Variants in CDYL observed in about 807,000 individuals in gnomAD.
The protein encoded by CDYL is chromodomain Y like, also known as chromodomain Y-like protein.
Under a neutral mutation model 47.3 loss-of-function variants are expected in CDYL, and 8 were observed. The observed-to-expected ratio is 0.17, with a 90% CI of 0.10 to 0.31. The LOEUF (loss-of-function observed/expected upper bound fraction) is 0.31. Ranked by LOEUF, CDYL falls within the 10% of genes least tolerant of loss-of-function variation. The pLI is 1.00. For synonymous variants in CDYL, 266 were observed against 265.0 expected (o/e 1.00, Z -0.04); for missense variants, 471 against 701.4 (o/e 0.67, Z 3.71).
chr6:4,879,377 T>A (rs1761702010), intron 1 of CDYL, among the ~76,000 whole-genome samples: 1 of 152,224 alleles, frequency 6.6e-6, no homozygotes, highest in Non-Finnish European at 1.5e-5. Context: ...TTAGGGTTGT[T>A]ATAGCATCTT....
chr6:4,938,222 T>G (rs551300610), intron 4 of CDYL, among the ~76,000 whole-genome samples: 20 of 127,414 alleles, frequency 1.6e-4, no homozygotes, highest in South Asian at 1.3e-3. Context: ...TGTTTTTTGG[T>G]TTTTTTTGTT....
intron 2 of CDYL, among the ~76,000 whole-genome samples, chr6:4,722,473 T>C (rs1490423795): frequency 6.6e-6 from 1 of 152,058 alleles, no homozygotes; most frequent in Non-Finnish European, 1.5e-5. Flanking sequence ...GATAAGAAAA[T>C]GTTCGTCAAA....
intron 1 of CDYL, among the ~76,000 whole-genome samples, chr6:4,885,881 T>A (rs1375320357): frequency 6.6e-6 from 1 of 152,184 alleles, no homozygotes; most frequent in Non-Finnish European, 1.5e-5. Context: ...AGAAATCTAG[T>A]ATCCATTAGC....
intron 1 of CDYL, among the ~76,000 whole-genome samples, chr6:4,816,464 A>C (rs1041865244): frequency 6.0e-5 from 9 of 150,956 alleles, no homozygotes; most frequent in African/African-American, 2.2e-4. Context: ...GTTACAGAAG[A>C]AGCAGTTATA....
chr6:4,928,022 C>T (rs1757928761), intron 2 of CDYL, among the ~76,000 whole-genome samples: 1 of 152,286 alleles, frequency 6.6e-6, no homozygotes, highest in Admixed American at 6.5e-5. Flanking sequence ...TTTCCTCTAG[C>T]TCATCATTTT....
chr6:4,831,052 C>T lies in CDYL; in HGVS notation c.24+54245C>T, dbSNP rs572109682. Among the ~76,000 whole-genome samples, 31 of 152,008 alleles carry T rather than the reference C, an allele frequency of 2.0e-4. No homozygotes were observed. The South Asian group carries it at 4.6e-3, about 22-fold the overall frequency. On this transcript the variant is annotated intron_variant, in intron 1 of 6. Transcript: ENST00000397588. ...AAGTCTTTGCTATTGTGAATAGTGC[C>T]GCAATAAACATACTTGTGCATGTGT... is the stretch of plus-strand genomic sequence containing the variant.
At chr6:4,914,124 T>C (rs1171125485) in intron 2 of CDYL, among the ~76,000 whole-genome samples, 2 of 151,952 alleles carry the variant, frequency 1.3e-5, no homozygotes, top group African/African-American at 2.4e-5. Context: ...TTGGTTGTTC[T>C]GGTCTTAGGC....
chr6:4,725,380 G>C (rs1757489551), intron 2 of CDYL, among the ~76,000 whole-genome samples: 1 of 152,236 alleles, frequency 6.6e-6, no homozygotes, highest in African/African-American at 2.4e-5. Context: ...TGGAGCAGGG[G>C]GCGGCGCTCG....
chr6:4,840,884 G>T (rs1760469803), intron 1 of CDYL, among the ~76,000 whole-genome samples: 1 of 151,776 alleles, frequency 6.6e-6, no homozygotes, highest in African/African-American at 2.4e-5. Context: ...TTGTTTTTTT[G>T]TTACATCCTT....
chr6:4,906,031 A>T (rs553634253), intron 2 of CDYL, among the ~76,000 whole-genome samples: 2 of 152,324 alleles, frequency 1.3e-5, no homozygotes, highest in Non-Finnish European at 2.9e-5. Context: ...TTGTAAAATC[A>T]AATGGTAAGA....
rs549328445 is a variant in CDYL, at chr6:4,708,731, GA to G, written c.-39+2483del. On this transcript the variant is annotated intron_variant, in intron 1 of 8. Coordinates refer to the CDYL transcript ENST00000328908. ...TCCATATAACCACCACTAAGGTCAA[GA>G]AATAGGCTGGGCACAGTGGCTCACA... Among the ~76,000 whole-genome samples, 6 of 152,224 alleles carry G rather than the reference GA, an allele frequency of 3.9e-5. No homozygotes were observed. The East Asian group carries it at 1.2e-3, about 29-fold the overall frequency.
intron 1 of CDYL, among the ~76,000 whole-genome samples, chr6:4,883,965 C>T (rs1330522580): frequency 6.6e-6 from 1 of 152,184 alleles, no homozygotes; most frequent in African/African-American, 2.4e-5. Context: ...GTATCTGGGG[C>T]AGCCCCCCAG....
At position 4,833,582 on chromosome 6, in the gene CDYL, A is replaced by G. The variant is rs966499915; in HGVS notation, c.24+56775A>G. On this transcript the variant is annotated intron_variant, in intron 1 of 6. Transcript: ENST00000397588. ...GGGGTGGAGAGTTCTGTAGATGTCT[A>G]TTAGGTCTGCTTGGTGCAGAGCTGA... Among the ~76,000 whole-genome samples the G allele has an allele frequency of 2.0e-3, 297 of 149,132 alleles. 3 individuals carry two copies. Among genetic ancestry groups the G allele is most frequent in the African/African-American group, 6.5e-3 (255 of 39,032 alleles).
At chr6:4,813,543 A>G (rs1759584710) in intron 1 of CDYL, among the ~76,000 whole-genome samples, 1 of 152,204 alleles carries the variant, frequency 6.6e-6, no homozygotes, top group African/African-American at 2.4e-5. Flanking sequence ...TTCTTCTGCC[A>G]CTGATGGATT....
intron 1 of CDYL, among the ~76,000 whole-genome samples, chr6:4,885,369 G>A (rs1761873886): frequency 6.6e-6 from 1 of 152,148 alleles, no homozygotes; most frequent in African/African-American, 2.4e-5. Context: ...GTCTTGCCCA[G>A]GACGTGAATT....
chr6:4,767,771 C>T (rs998481635), intron 3 of CDYL, among the ~76,000 whole-genome samples: 11 of 152,322 alleles, frequency 7.2e-5, no homozygotes, highest in Non-Finnish European at 1.5e-4. Flanking sequence ...ATTGGAGGTC[C>T]TAAGTGCAGT....
chr6:4,725,407 G>A (rs1280281339), intron 2 of CDYL, among the ~76,000 whole-genome samples: 1 of 152,204 alleles, frequency 6.6e-6, no homozygotes, highest in African/African-American at 2.4e-5. Context: ...AGGCTCCGGC[G>A]GCGTAGGAGC....
chr6:4,792,618 T>C (rs1396216767), intron 1 of CDYL, among the ~76,000 whole-genome samples: 2 of 151,950 alleles, frequency 1.3e-5, no homozygotes, highest in African/African-American at 4.8e-5. Flanking sequence ...GTATTTTTAG[T>C]AGAGACAGGG....
intron 1 of CDYL, among the ~76,000 whole-genome samples, chr6:4,788,050 G>A (rs1758803961): frequency 6.6e-6 from 1 of 151,958 alleles, no homozygotes; most frequent in Admixed American, 6.6e-5. Context: ...GGGATTATAG[G>A]TGTGAGCCAC....
Sources: gnomAD v4.1 joint callset for allele counts (sites outside exome capture counted in the v4.1 genomes callset) on GRCh38, gnomAD v4.1.1 for gene constraint, MANE v1.5 for transcripts, NCBI Gene and HGNC (gene_info 2026-07-23, HGNC 2026-07-21) for gene names.